IL1RL2: variants seen among roughly 807,000 people sequenced by gnomAD.
The protein encoded by IL1RL2 is interleukin 1 receptor like 2.
IL1RL2 carries 68 observed loss-of-function variants against 66.8 expected under a neutral mutation model. The ratio of observed to expected loss-of-function variants is 1.02; its 90% CI spans 0.84 to 1.25. IL1RL2 has a LOEUF of 1.25. IL1RL2 is among the 50% of genes most tolerant of loss of function. The pLI is 0.00. For missense variants in IL1RL2, 729 were observed against 709.3 expected (o/e 1.03, Z -0.32); for synonymous variants, 305 against 264.6 (o/e 1.15, Z -1.48).
At chr2:102,241,369 C>G (rs138598627), downstream of IL1RL2, among the ~76,000 whole-genome samples, 394 of 152,266 alleles carry the variant, frequency 2.6e-3, 1 homozygote, top group African/African-American at 8.9e-3. Context: ...GGCCCCTGGA[C>G]TCCAGTCACA....
In IL1RL2 at chr2:102,235,183, T is replaced by C; in HGVS notation, c.1584T>C (p.Phe528=). 1.2e-6 allele frequency: 2 copies of C among 1,614,174 alleles called. No homozygotes were observed. Among genetic ancestry groups the C allele is most frequent in the African/African-American group, 1.3e-5 (1 of 75,038 alleles). Residue 528 remains phenylalanine, a synonymous_variant, in exon 11 of 12, where the codon TTT becomes TTC. Coordinates refer to ENST00000264257, the MANE Select transcript of IL1RL2 (RefSeq NM_003854.4). ...AGTCACAGTGTATGAAGACCAAGTTTTGGAAGACAGTGAGATACCACATGC... is the reference window on the plus strand; with the variant it reads ...AGTCACAGTGTATGAAGACCAAGTTCTGGAAGACAGTGAGATACCACATGC... ...TEQSQCMKTK[F]WKTVRYHMPP... is the part of the protein sequence containing the mutation.
At chr2:102,236,817 A>C (rs1292616920) in intron 11 of IL1RL2, among the ~76,000 whole-genome samples, 1 of 152,220 alleles carries the variant, frequency 6.6e-6, no homozygotes, top group African/African-American at 2.4e-5. Context: ...GCATTAAAAA[A>C]TGGCTACTAT....
intron 4 of IL1RL2, among the ~76,000 whole-genome samples, chr2:102,200,505 C>T (rs1326710654): frequency 1.3e-5 from 2 of 152,126 alleles, no homozygotes; most frequent in East Asian, 3.9e-4. Flanking sequence ...TTGATTTTAT[C>T]TTTTAGATTG....
chr2:102,220,032 G>A lies in IL1RL2; in HGVS notation c.991+15G>A. On this transcript the variant is annotated intron_variant, in intron 8 of 11. Coordinates refer to ENST00000264257, the MANE Select transcript of IL1RL2 (RefSeq NM_003854.4). ...ACAGCTCCCAGGTAATACTCCAGTG[G>A]GTTACACACTGTTCAGAGTGTTCAA... 1 of 1,601,882 alleles carries A rather than the reference G, an allele frequency of 6.2e-7. No homozygotes were observed. The highest frequency in any genetic ancestry group is 8.5e-7 in the Non-Finnish European group (1 of 1,170,318).
At chr2:102,190,680 C>A (rs914380980) in intron 3 of IL1RL2, among the ~76,000 whole-genome samples, 19 of 152,220 alleles carry the variant, frequency 1.2e-4, no homozygotes, top group African/African-American at 3.6e-4. Flanking sequence ...CCGCTCAGGG[C>A]ACGTGGAGGT....
At chr2:102,217,509 T>G (rs1202397361) in intron 6 of IL1RL2, among the ~76,000 whole-genome samples, 1 of 152,106 alleles carries the variant, frequency 6.6e-6, no homozygotes, top group Non-Finnish European at 1.5e-5. Flanking sequence ...GCTGGAGGTA[T>G]CACACTACCT....
chr2:102,199,670 T>C (rs1186432416), intron 4 of IL1RL2, among the ~76,000 whole-genome samples: 1 of 152,192 alleles, frequency 6.6e-6, no homozygotes, highest in Non-Finnish European at 1.5e-5. Context: ...AGCGACAGAA[T>C]GGCCCTCAGC....
At chr2:102,242,746 T>G (rs1172539709), downstream of IL1RL2, among the ~76,000 whole-genome samples, 1 of 152,188 alleles carries the variant, frequency 6.6e-6, no homozygotes, top group Non-Finnish European at 1.5e-5. Flanking sequence ...TACAGACACG[T>G]CCATAAATAA....
chr2:102,225,931 T>C lies in IL1RL2; in HGVS notation c.1025T>C (p.Leu342Pro), dbSNP rs750166508. The C allele has an allele frequency of 2.1e-5, 34 of 1,605,160 alleles. No homozygotes were observed. The highest frequency in any genetic ancestry group is 1.0e-4 in the Admixed American group (6 of 59,132). The change falls in exon 9 of 12, where the codon CTT becomes CCT. Residue 342 changes from leucine (L) to proline (P), a missense_variant. Coordinates refer to ENST00000264257, the MANE Select transcript of IL1RL2 (RefSeq NM_003854.4). ...PDFRAYLIGG[L>P]IALVAVAVSV... is the part of the protein sequence containing the mutation. The stretch of plus-strand genomic sequence containing the variant: ...TTTCGAGCTTACTTGATAGGAGGGC[T>C]TATCGCCTTGGTGGCTGTGGCTGTG...
chr2:102,236,485 C>T (rs1053087332), intron 11 of IL1RL2, among the ~76,000 whole-genome samples: 3 of 152,194 alleles, frequency 2.0e-5, no homozygotes, highest in African/African-American at 7.2e-5. Flanking sequence ...CCAAGGTGAC[C>T]TCACATTACA....
intron 9 of IL1RL2, among the ~76,000 whole-genome samples, chr2:102,231,761 C>T (rs372676708): frequency 1.8e-4 from 28 of 152,256 alleles, no homozygotes; most frequent in African/African-American, 5.8e-4. Context: ...ATACTGATGA[C>T]GACGACATGC....
At chr2:102,222,058 C>A (rs749378256) in intron 8 of IL1RL2, among the ~76,000 whole-genome samples, 2 of 152,084 alleles carry the variant, frequency 1.3e-5, no homozygotes, top group Non-Finnish European at 2.9e-5. Flanking sequence ...TTAGGAAAGT[C>A]GTTTCTTTGA....
intron 4 of IL1RL2, among the ~76,000 whole-genome samples, chr2:102,200,117 CAAAAAAAAAAA>C (rs35208716): frequency 8.4e-5 from 8 of 95,148 alleles, no homozygotes; most frequent in Admixed American, 1.2e-4. Flanking sequence ...CCTGTTCCAG[CAAAAAAAAAAA>C]AAAAAAAAAA....
chr2:102,232,170 G>C (rs919476437), intron 9 of IL1RL2, among the ~76,000 whole-genome samples: 12 of 150,928 alleles, frequency 8.0e-5, no homozygotes, highest in African/African-American at 2.9e-4. Context: ...GGAGTGCAAT[G>C]GTGTGATCTC....
At chr2:102,198,482 T>C (rs870684) in intron 4 of IL1RL2, among the ~76,000 whole-genome samples, 40,473 of 152,018 alleles carry the variant, frequency 0.27, 6,337 homozygotes, top group East Asian at 0.38. Flanking sequence ...TTTGGGTCCC[T>C]ATCACTGTGC....
downstream of IL1RL2, among the ~76,000 whole-genome samples, chr2:102,242,101 G>A (rs1675247103): frequency 6.6e-6 from 1 of 152,204 alleles, no homozygotes; most frequent in Non-Finnish European, 1.5e-5. Context: ...ACGCAAGTCT[G>A]CTGTGAAATA....
chr2:102,231,441 T>C (rs1343025298), intron 9 of IL1RL2, among the ~76,000 whole-genome samples: 1 of 152,018 alleles, frequency 6.6e-6, no homozygotes, highest in Non-Finnish European at 1.5e-5. Context: ...GAGGTTGCAG[T>C]GAGCCAAGAT....
chr2:102,187,417 C>G, intron 1 of IL1RL2: 1 of 1,116,626 alleles, frequency 9.0e-7, no homozygotes, highest in South Asian at 2.0e-5. Context: ...TCGGGTGGAT[C>G]CCGAGGACAC....
At chr2:102,235,837 A>T (rs1674831599) in intron 11 of IL1RL2, 16 of 985,426 alleles carry the variant, frequency 1.6e-5, no homozygotes, top group Non-Finnish European at 1.8e-5. Context: ...CAGCCTTAGC[A>T]CTTTGCTTCC....
Sources: gnomAD v4.1 joint callset for allele counts (sites outside exome capture counted in the v4.1 genomes callset) on GRCh38, gnomAD v4.1.1 for gene constraint, MANE v1.5 for transcripts, NCBI Gene and HGNC (gene_info 2026-07-23, HGNC 2026-07-21) for gene names.